Variants in FHIT observed in about 807,000 individuals in gnomAD.
FHIT encodes fragile histidine triad diadenosine triphosphatase.
Under a neutral mutation model 17.9 loss-of-function variants are expected in FHIT, and 19 were observed. That is an observed-to-expected ratio of 1.06 (90% CI 0.74 to 1.56). The LOEUF (loss-of-function observed/expected upper bound fraction) is 1.56, where lower values mean the gene tolerates loss of function less well. FHIT is among the 40% of genes most tolerant of loss of function. The pLI, the probability that FHIT is intolerant of heterozygous loss-of-function variation, is 0.00. For synonymous variants in FHIT, 81 were observed against 69.7 expected (o/e 1.16, Z -0.81); for missense variants, 248 against 189.2 (o/e 1.31, Z -1.82).
chr3:60,002,429 G>A (rs72877078), intron 7 of FHIT, among the ~76,000 whole-genome samples: 2,665 of 152,180 alleles, frequency 0.018, 60 homozygotes, highest in African/African-American at 0.058. Context: ...TTTGGAGAAC[G>A]GATCTATTAG....
intron 3 of FHIT, among the ~76,000 whole-genome samples, chr3:60,869,224 A>C (rs1575621036): frequency 6.6e-6 from 1 of 152,318 alleles, no homozygotes; most frequent in East Asian, 1.9e-4. Context: ...GAGGACAATT[A>C]TTCATGTGTT....
intron 8 of FHIT, among the ~76,000 whole-genome samples, chr3:59,759,016 G>C (rs1286909861): frequency 5.9e-5 from 9 of 152,058 alleles, no homozygotes; most frequent in Admixed American, 5.2e-4. Context: ...GGGGATGGTA[G>C]AACTTTGGGT....
At chr3:61,032,469 T>A (rs1477988038) in intron 3 of FHIT, among the ~76,000 whole-genome samples, 1 of 152,220 alleles carries the variant, frequency 6.6e-6, no homozygotes. Flanking sequence ...AAGAGCTTCT[T>A]TCATTTCCCT....
intron 3 of FHIT, among the ~76,000 whole-genome samples, chr3:60,896,793 C>G (rs1448475922): frequency 6.6e-6 from 1 of 152,092 alleles, no homozygotes; most frequent in Non-Finnish European, 1.5e-5. Flanking sequence ...CAATTTCCCC[C>G]ATCTTGTTAT....
intron 3 of FHIT, among the ~76,000 whole-genome samples, chr3:60,849,269 A>G (rs73092708): frequency 2.1e-3 from 314 of 151,764 alleles, no homozygotes; most frequent in Non-Finnish European, 3.1e-3. Flanking sequence ...GACAAGGAAT[A>G]CTATTTGGCT....
chr3:59,916,341 G>A (rs1705134769), intron 8 of FHIT, among the ~76,000 whole-genome samples: 1 of 152,122 alleles, frequency 6.6e-6, no homozygotes. Context: ...CAGACTGAAG[G>A]CTGCACCGTC....
At chr3:59,957,686 G>A (rs1322955820) in intron 7 of FHIT, among the ~76,000 whole-genome samples, 2 of 152,178 alleles carry the variant, frequency 1.3e-5, no homozygotes, top group African/African-American at 4.8e-5. Flanking sequence ...GGCACTTACA[G>A]TGCTTTTCAC....
At chr3:60,950,811 C>T (rs1448942272) in intron 3 of FHIT, among the ~76,000 whole-genome samples, 1 of 151,542 alleles carries the variant, frequency 6.6e-6, no homozygotes, top group Non-Finnish European at 1.5e-5. Context: ...GCGTGAGCCA[C>T]CATGCCCGGC....
chr3:61,006,327 T>A (rs1281545547), intron 3 of FHIT, among the ~76,000 whole-genome samples: 1 of 152,144 alleles, frequency 6.6e-6, no homozygotes, highest in Non-Finnish European at 1.5e-5. Flanking sequence ...CTTTTATCAT[T>A]TGAACGCAGC....
chr3:61,177,050 G>C (rs1050640033), intron 2 of FHIT, among the ~76,000 whole-genome samples: 13 of 152,036 alleles, frequency 8.6e-5, no homozygotes, highest in Non-Finnish European at 1.8e-4. Flanking sequence ...GGCGGCGGGC[G>C]CCTGTAGTCC....
At chr3:60,360,827 C>T (rs1295733702) in intron 5 of FHIT, among the ~76,000 whole-genome samples, 1 of 152,146 alleles carries the variant, frequency 6.6e-6, no homozygotes, top group African/African-American at 2.4e-5. Context: ...TGACTGATAG[C>T]TGCCTCAACT....
intron 3 of FHIT, among the ~76,000 whole-genome samples, chr3:61,039,155 T>A (rs115237769): frequency 6.6e-6 from 1 of 152,160 alleles, no homozygotes; most frequent in African/African-American, 2.4e-5. Flanking sequence ...TCCAAGATAC[T>A]GATGTAATCA....
At chr3:60,774,070 T>C (rs1700136460) in intron 4 of FHIT, among the ~76,000 whole-genome samples, 1 of 152,214 alleles carries the variant, frequency 6.6e-6, no homozygotes, top group South Asian at 2.1e-4. Flanking sequence ...ATTATCTTCA[T>C]GATGACATCA....
At chr3:60,547,402 G>T (rs1201350765) in intron 4 of FHIT, among the ~76,000 whole-genome samples, 4 of 152,062 alleles carry the variant, frequency 2.6e-5, no homozygotes, top group Admixed American at 6.6e-5. Flanking sequence ...TCTAGAAATG[G>T]TAATTGAACC....
At chr3:60,999,330 T>G (rs1299375940) in intron 3 of FHIT, among the ~76,000 whole-genome samples, 3 of 151,980 alleles carry the variant, frequency 2.0e-5, no homozygotes, top group Non-Finnish European at 4.4e-5. Context: ...TGGTGATGGC[T>G]CTTCATAAAA....
intron 7 of FHIT, among the ~76,000 whole-genome samples, chr3:60,002,890 T>G (rs1699781975): frequency 6.6e-6 from 1 of 152,088 alleles, no homozygotes; most frequent in African/African-American, 2.4e-5. Flanking sequence ...AATAAACAAA[T>G]GAAATTGCAG....
At chr3:60,544,551 C>G (rs550715252) in intron 4 of FHIT, among the ~76,000 whole-genome samples, 3 of 150,568 alleles carry the variant, frequency 2.0e-5, no homozygotes, top group African/African-American at 7.3e-5. Context: ...GAATTCTTAG[C>G]CTTTTGAATG....
intron 2 of FHIT, among the ~76,000 whole-genome samples, chr3:61,194,779 A>G (rs1436530652): frequency 6.6e-6 from 1 of 152,214 alleles, no homozygotes; most frequent in Non-Finnish European, 1.5e-5. Flanking sequence ...TGAAGGAAAT[A>G]TCCTCTAATA....
intron 5 of FHIT, among the ~76,000 whole-genome samples, chr3:60,300,260 C>CA (rs950488177): frequency 2.6e-5 from 4 of 151,798 alleles, no homozygotes; most frequent in Admixed American, 6.6e-5. Flanking sequence ...TTTACTTTTT[C>CA]AAAAAAACTA....
Sources: gnomAD v4.1 joint callset for allele counts (sites outside exome capture counted in the v4.1 genomes callset) on GRCh38, gnomAD v4.1.1 for gene constraint, MANE v1.5 for transcripts, NCBI Gene and HGNC (gene_info 2026-07-23, HGNC 2026-07-21) for gene names.